HLTF: variants seen among roughly 807,000 people sequenced by gnomAD.
HLTF encodes DNA-dependent ATPase/E3 ubiquitin-protein ligase HLTF.
In HLTF, 127 loss-of-function variants were observed where a neutral mutation model predicts 129.4. The ratio of observed to expected loss-of-function variants is 0.98; its 90% CI spans 0.85 to 1.14. HLTF has a LOEUF of 1.14. HLTF is among the 50% of genes most tolerant of loss of function. The pLI is 0.00. For missense variants in HLTF, 1,139 were observed against 1,187.1 expected, an observed-to-expected ratio of 0.96 and a Z score of 0.60; for synonymous variants, 332 against 388.8, an observed-to-expected ratio of 0.85 and a Z score of 1.72.
chr3:149,059,945 T>G (rs1417660686), intron 12 of HLTF, 138 bp from the exon 13 acceptor site: 1 of 596,234 alleles, frequency 1.7e-6, no homozygotes, highest in Non-Finnish European at 2.9e-6. Context: ...TTAAAATATT[T>G]GGTAACCAAA....
intron 2 of HLTF, among the ~76,000 whole-genome samples, chr3:149,077,275 TA>T (rs1559882698): frequency 8.9e-4 from 134 of 150,228 alleles, no homozygotes; most frequent in African/African-American, 2.9e-3. Context: ...AATAAATAAA[TA>T]AATAAATAAA....
At chr3:149,069,743 T>TA (rs1365895435) in intron 7 of HLTF, among the ~76,000 whole-genome samples, 1 of 152,236 alleles carries the variant, frequency 6.6e-6, no homozygotes, top group African/African-American at 2.4e-5. Context: ...GTCTGAAAGA[T>TA]ACTTTCTAGA....
Position 149,039,263 on chromosome 3 carries a change from C to T in HLTF, c.2616-34G>A, listed in dbSNP as rs183115500. 2.2e-6 allele frequency: 3 copies of T among 1,382,470 alleles called. No homozygotes were observed. In the African/African-American group the frequency reaches 4.4e-5, roughly 20 times the overall value. The allele number at this position is 1,382,470 out of a possible 1,614,324, so 85.6% of individuals were successfully genotyped here. A position where few individuals can be genotyped will look rare whatever the true frequency, so the allele number is the denominator to read the frequency against. On this transcript the variant is annotated intron_variant, in intron 22 of 24. Coordinates refer to ENST00000310053, the MANE Select transcript of HLTF (RefSeq NM_003071.4). ...GGGAAGAAAAGAGACAAGTAACAAA[C>T]ACTATTATTATAAAAATAAAACAAA...
intron 21 of HLTF, 77 bp downstream of exon 21, chr3:149,039,954 C>G: frequency 7.8e-7 from 1 of 1,281,884 alleles, no homozygotes; most frequent in Non-Finnish European, 1.1e-6. Flanking sequence ...AGCAGAATTA[C>G]GATTTTGATA....
At chr3:149,053,672 C>T (rs1316803979) in intron 14 of HLTF, among the ~76,000 whole-genome samples, 1 of 152,198 alleles carries the variant, frequency 6.6e-6, no homozygotes, top group African/African-American at 2.4e-5. Context: ...CCTTTAAATT[C>T]ACAGAGTGTG....
intron 8 of HLTF, among the ~76,000 whole-genome samples, chr3:149,065,547 A>C (rs1234153003): frequency 1.3e-5 from 2 of 152,194 alleles, no homozygotes; most frequent in African/African-American, 2.4e-5. Context: ...ATCAAAAAAA[A>C]CTAAAAATCT....
intron 2 of HLTF, among the ~76,000 whole-genome samples, chr3:149,081,169 G>A (rs1719829497): frequency 6.7e-6 from 1 of 150,364 alleles, no homozygotes; most frequent in East Asian, 2.0e-4. Flanking sequence ...ACACATAACT[G>A]TATTTTAAAA....
Position 149,063,432 on chromosome 3 carries a change from T to C in HLTF, c.1159A>G (p.Arg387Gly). 6.4e-7 allele frequency: 1 copy of C among 1,558,938 alleles called. No individual in the cohort carries two copies. Among genetic ancestry groups the C allele is most frequent in the Admixed American group, 1.7e-5 (1 of 59,944 alleles). The change falls in exon 10 of 25, where the codon AGA becomes GGA. Residue 387 changes from arginine (R) to glycine (G), a missense_variant and splice_region_variant. Coordinates refer to ENST00000310053, the MANE Select transcript of HLTF (RefSeq NM_003071.4). Reference protein sequence around the residue: ...MSELSSSRPKRRKTAVQYIES... With the variant: ...MSELSSSRPKGRKTAVQYIES... ...CATAATCAAACCATAATAGTTTACC[T>C]TTTGGGGCGGGAGCTAGACAATTCT... is the stretch of plus-strand genomic sequence containing the variant.
At position 149,060,629 on chromosome 3, in the gene HLTF, T is replaced by C. The variant is rs750283415; in HGVS notation, c.1285+14A>G. ...TCTTGAAGTCTAGATTATGGGTATA[T>C]AGTATACACATACCTTTCGCCCTGC... On this transcript the variant is annotated intron_variant, in intron 12 of 24. Coordinates refer to ENST00000310053, the MANE Select transcript of HLTF (RefSeq NM_003071.4). The C allele has an allele frequency of 8.2e-6, 13 of 1,581,538 alleles. No individual in the cohort carries two copies. Among genetic ancestry groups the C allele is most frequent in the South Asian group, 4.4e-5 (4 of 90,242 alleles).
intron 23 of HLTF, among the ~76,000 whole-genome samples, chr3:149,036,352 G>T (rs1308260962): frequency 2.9e-5 from 4 of 136,278 alleles, no homozygotes. Flanking sequence ...GCAGTGGCAC[G>T]ATCTCAGCTC....
chr3:149,066,553 C>T (rs115959228), intron 8 of HLTF, among the ~76,000 whole-genome samples: 3,579 of 149,390 alleles, frequency 0.024, 99 homozygotes, highest in African/African-American at 0.066. Flanking sequence ...TTTAATAAAT[C>T]CCTGGCTGGA....
At position 149,041,352 on chromosome 3, in the gene HLTF, T is replaced by C. The variant is rs1437840256; in HGVS notation, c.2376+138A>G. 15 of 465,254 alleles carry C rather than the reference T, an allele frequency of 3.2e-5. No homozygotes were observed. In the South Asian group the frequency reaches 9.4e-4, roughly 29 times the overall value. 28.8% of individuals were successfully genotyped at this position (465,254 alleles called of 1,614,324 possible). A position where few individuals can be genotyped will look rare whatever the true frequency, so the allele number is the denominator to read the frequency against. On this transcript the variant is annotated intron_variant, in intron 20 of 24. Coordinates refer to ENST00000310053, the MANE Select transcript of HLTF (RefSeq NM_003071.4). ...TGCATTAGAAGAAATATATCACCTA[T>C]TAAAATACTGGAATAATTAACTATC...
chr3:149,085,026 C>T, intron 1 of HLTF, 137 bp from the exon 2 acceptor site: 1 of 666,404 alleles, frequency 1.5e-6, no homozygotes. Context: ...TAGTTACTCT[C>T]GTTAAAGCAG....
chr3:149,049,175 T>C (rs773137772), intron 15 of HLTF, among the ~76,000 whole-genome samples, 174 bp from the exon 16 acceptor site: 12 of 152,222 alleles, frequency 7.9e-5, no homozygotes, highest in Non-Finnish European at 1.2e-4. Context: ...TAAGTACTTA[T>C]TAGCACACCT....
At position 149,048,853 on chromosome 3, in the gene HLTF, C is replaced by G. The variant is rs1440010639; in HGVS notation, c.1756+10G>C. ...ATTTAAGGTTTTAGTAAGTTTAATGCTATGATTACCTGTCAAAACCCATCT... is the reference window on the plus strand; with the variant it reads ...ATTTAAGGTTTTAGTAAGTTTAATGGTATGATTACCTGTCAAAACCCATCT... On this transcript the variant is annotated intron_variant, in intron 16 of 24. Transcript: ENST00000310053. The G allele has an allele frequency of 1.2e-6, 2 of 1,605,820 alleles. No individual in the cohort carries two copies. Among genetic ancestry groups the G allele is most frequent in the Admixed American group, 3.3e-5 (2 of 59,798 alleles).
At chr3:149,063,225 A>G in intron 10 of HLTF, 7 of 461,616 alleles carry the variant, frequency 1.5e-5, no homozygotes, top group South Asian at 1.2e-4. Flanking sequence ...ACGCCTGGCT[A>G]ATTTTTGTCT....
At chr3:149,058,752 T>C (rs2108012495) in intron 13 of HLTF, among the ~76,000 whole-genome samples, 1 of 152,302 alleles carries the variant, frequency 6.6e-6, no homozygotes, top group African/African-American at 2.4e-5. Context: ...TTTGTTTCTA[T>C]TCTGCTTCTC....
intron 13 of HLTF, among the ~76,000 whole-genome samples, chr3:149,057,562 A>G (rs1717579813): frequency 6.6e-6 from 1 of 152,202 alleles, no homozygotes; most frequent in Non-Finnish European, 1.5e-5. Context: ...TTTGGTATAC[A>G]CAGGGGGCCC....
Position 149,034,946 on chromosome 3 carries a change from C to T in HLTF, c.2849G>A (p.Gly950Asp), listed in dbSNP as rs1715445179. The change falls in exon 24 of 25, where the codon GGT (glycine) becomes GAT (aspartate). Residue 950 changes from glycine (G) to aspartate (D), a missense_variant. Physicochemically the swap from Gly to Asp is moderately conservative, Grantham distance 94. Transcript: ENST00000310053. Reference protein sequence around the residue: ...DQCFDRCHRLGQKQEVIITKF... With the variant: ...DQCFDRCHRLDQKQEVIITKF... ...TGTGATGATAACTTCTTGCTTCTGA[C>T]CAAGTCTATGGCATCTGTCAAAGCA... 2 of 1,613,650 alleles carry T rather than the reference C, an allele frequency of 1.2e-6. No individual in the cohort carries two copies. Among genetic ancestry groups the T allele is most frequent in the African/African-American group, 2.7e-5 (2 of 74,900 alleles).
Sources: allele counts gnomAD v4.1 joint callset (sites outside exome capture counted in the v4.1 genomes callset), GRCh38; gene constraint gnomAD v4.1.1; transcripts MANE v1.5; gene names NCBI Gene and HGNC (gene_info 2026-07-23, HGNC 2026-07-21).